MALT1: variants seen among roughly 807,000 people sequenced by gnomAD.
The protein encoded by MALT1 is MALT1 paracaspase.
In MALT1, 36 loss-of-function variants were observed where a neutral mutation model predicts 85.5. That is an observed-to-expected ratio of 0.42 (90% CI 0.32 to 0.56). MALT1 has a LOEUF of 0.56. Ranked by LOEUF, MALT1 falls within the 20% of genes least tolerant of loss-of-function variation. The pLI is 0.10. For missense variants in MALT1, 716 were observed against 981.6 expected (o/e 0.73, Z 3.62); for synonymous variants, 359 against 361.3 (o/e 0.99, Z 0.07).
chr18:58,698,301 G>A (rs964430212), intron 3 of MALT1, among the ~76,000 whole-genome samples: 3 of 151,946 alleles, frequency 2.0e-5, no homozygotes, highest in African/African-American at 7.3e-5. Context: ...TCCTGATCTC[G>A]TGATCCGCCT....
At position 58,745,690 on chromosome 18, in the gene MALT1, G is replaced by A; in HGVS notation, c.1936G>A (p.Ala646Thr). 1 of 1,612,960 alleles carries A rather than the reference G, an allele frequency of 6.2e-7. No homozygotes were observed. The highest frequency in any genetic ancestry group is 8.5e-7 in the Non-Finnish European group (1 of 1,179,330). The change falls in exon 16 of 17, where the codon GCA becomes ACA. Residue 646 changes from alanine (A) to threonine (T), a missense_variant. Ala to Thr is a moderately conservative substitution (Grantham distance 58). Around this residue, in one of 4 missense-constraint regions of MALT1, gnomAD observed 260 missense variants for 323.7 expected, o/e 0.80. Transcript: ENST00000649217. Reference protein sequence around the residue: ...PLDLDIDPKDANKGTPEETGS... With the variant: ...PLDLDIDPKDTNKGTPEETGS... ...GGATCTAGATATTGATCCAAAAGAT[G>A]CAAATAAAGGCACACCTGAAGAAAC... is the stretch of plus-strand genomic sequence containing the variant.
intron 16 of MALT1, among the ~76,000 whole-genome samples, chr18:58,746,959 T>C (rs191294524): frequency 1.3e-5 from 2 of 152,266 alleles, no homozygotes; most frequent in East Asian, 3.9e-4. Flanking sequence ...AACTCCTAAC[T>C]TCAAGTGATC....
At chr18:58,703,715 CAT>C (rs1482211192) in intron 4 of MALT1, among the ~76,000 whole-genome samples, 1 of 152,214 alleles carries the variant, frequency 6.6e-6, no homozygotes, top group African/African-American at 2.4e-5. Context: ...CCTCCCTCAA[CAT>C]GTGGGGATTA....
chr18:58,709,499 C>G lies in MALT1; in HGVS notation c.771C>G (p.His257Gln). The change falls in exon 5 of 17, where the codon CAC (histidine) becomes CAG (glutamine). Residue 257 changes from histidine (H) to glutamine (Q), a missense_variant. Transcript: ENST00000649217. The part of the protein sequence containing the change: ...QCVAVGSPIP[H>Q]YQWFKNELPL... ...TTGCTGTTGGAAGCCCTATTCCTCACTACCAGTGGTTCAAAAATGAATTAC... is the reference window on the plus strand; with the variant it reads ...TTGCTGTTGGAAGCCCTATTCCTCAGTACCAGTGGTTCAAAAATGAATTAC... 4 of 1,612,770 alleles carry G rather than the reference C, an allele frequency of 2.5e-6. No homozygotes were observed. Among genetic ancestry groups the G allele is most frequent in the Non-Finnish European group, 3.4e-6 (4 of 1,179,544 alleles).
chr18:58,709,876 A>G (rs2144388469), intron 5 of MALT1, 100 bp from the exon 6 acceptor site: 1 of 772,608 alleles, frequency 1.3e-6, no homozygotes, highest in East Asian at 2.5e-5. Flanking sequence ...GCCTTCTAAG[A>G]TGTTATGTTT....
chr18:58,694,980 C>A (rs1376846155), intron 2 of MALT1, among the ~76,000 whole-genome samples: 1 of 152,188 alleles, frequency 6.6e-6, no homozygotes, highest in Non-Finnish European at 1.5e-5. Flanking sequence ...TGGGAGGGAC[C>A]TGGTGGGAGG....
chr18:58,672,712 T>G (rs1033400724), intron 1 of MALT1: 2 of 152,114 alleles, frequency 1.3e-5, no homozygotes, highest in Admixed American at 1.3e-4. Context: ...AACAAAAAAG[T>G]CTATTAGAGA....
intron 2 of MALT1, among the ~76,000 whole-genome samples, chr18:58,683,232 A>G (rs2054349238): frequency 1.3e-5 from 2 of 152,226 alleles, no homozygotes; most frequent in Non-Finnish European, 2.9e-5. Context: ...TTACTTTACT[A>G]AGTTCTCATA....
chr18:58,699,349 ATAG>A (rs1305397504), intron 3 of MALT1, among the ~76,000 whole-genome samples: 2 of 152,106 alleles, frequency 1.3e-5, no homozygotes, highest in Non-Finnish European at 2.9e-5. Flanking sequence ...TTAGGACGAT[ATAG>A]TAGGATTGTC....
intron 9 of MALT1, among the ~76,000 whole-genome samples, chr18:58,721,303 C>T (rs889735922): frequency 6.6e-6 from 1 of 152,040 alleles, no homozygotes; most frequent in Admixed American, 6.5e-5. Context: ...CGCTTGAACC[C>T]GGGAGGCAGA....
intron 16 of MALT1, among the ~76,000 whole-genome samples, chr18:58,746,353 A>AGTAATCATTTCCTAGTTCT (rs1358699473): frequency 2.0e-5 from 3 of 152,244 alleles, no homozygotes; most frequent in Non-Finnish European, 4.4e-5. Context: ...CAGATTTTCA[A>AGTAATCATTTCCTAGTTCT]GTAATCATTT....
chr18:58,714,094 A>T lies in MALT1; in HGVS notation c.970A>T (p.Asn324Tyr), dbSNP rs1465042137. Residue 324 changes from asparagine (N) to tyrosine (Y), a missense_variant, in exon 8 of 17, where the codon AAT becomes TAT. Physicochemically the swap from Asn to Tyr is moderately radical, Grantham distance 143 (BLOSUM62 -2). Around this residue, in one of 4 missense-constraint regions of MALT1, gnomAD observed 290 missense variants for 380.5 expected, o/e 0.76. Coordinates refer to ENST00000649217, the MANE Select transcript of MALT1 (RefSeq NM_006785.4). ...AVECTEDELNNLGHPDNKEQT... is the reference protein window; with the variant it reads ...AVECTEDELNYLGHPDNKEQT... ...TTACTTTGTTTTAGATGAATTAAAT[A>T]ATCTTGGTCATCCTGGTGAGTAATA... 3.1e-6 allele frequency: 4 copies of T among 1,272,022 alleles called. No homozygotes were observed. The highest frequency in any genetic ancestry group is 4.5e-6 in the Non-Finnish European group (4 of 890,904). 78.8% of individuals were successfully genotyped at this position (1,272,022 alleles called of 1,614,324 possible). A position where few individuals can be genotyped will look rare whatever the true frequency, so the allele number is the denominator to read the frequency against.
At chr18:58,721,146 G>A (rs1191155284) in intron 9 of MALT1, among the ~76,000 whole-genome samples, 5 of 152,204 alleles carry the variant, frequency 3.3e-5, no homozygotes, top group Non-Finnish European at 7.3e-5. Context: ...TTGGAAGGCC[G>A]AGGTGGGCAG....
intron 10 of MALT1, among the ~76,000 whole-genome samples, chr18:58,731,564 TCTC>T (rs2055149873): frequency 6.6e-6 from 1 of 152,226 alleles, no homozygotes; most frequent in Non-Finnish European, 1.5e-5. Context: ...TTATTTCTGT[TCTC>T]CTGCCCATAA....
At chr18:58,734,267 T>C in intron 11 of MALT1, 40 bp from the exon 12 acceptor site, 2 of 1,405,012 alleles carry the variant, frequency 1.4e-6, no homozygotes, top group Non-Finnish European at 1.0e-6. Flanking sequence ...TCTTTAACTT[T>C]TCATATTTCT....
At chr18:58,733,227 A>T (rs996219909) in intron 10 of MALT1, among the ~76,000 whole-genome samples, 170 bp from the exon 11 acceptor site, 4 of 152,186 alleles carry the variant, frequency 2.6e-5, no homozygotes, top group African/African-American at 9.7e-5. Context: ...CAATAATTTT[A>T]AATGCAAAAT....
chr18:58,749,941 A>G lies in MALT1; in HGVS notation c.*2099A>G. 1 of 209,422 alleles carries G rather than the reference A, an allele frequency of 4.8e-6. No homozygotes were observed. The highest frequency in any genetic ancestry group is 9.7e-6 in the Non-Finnish European group (1 of 102,946). 13.0% of individuals were successfully genotyped at this position (209,422 alleles called of 1,614,324 possible). A position where few individuals can be genotyped will look rare whatever the true frequency, so the allele number is the denominator to read the frequency against. The stretch of plus-strand genomic sequence containing the variant: ...TCACTCGGCACTACTTCTATTCAGC[A>G]TTGTACTTGAAGTTCTAGCCACAGC... On this transcript the variant is annotated 3_prime_UTR_variant, in exon 17 of 17. Transcript: ENST00000649217.
At chr18:58,689,580 G>T (rs570335561) in intron 2 of MALT1, among the ~76,000 whole-genome samples, 1 of 152,170 alleles carries the variant, frequency 6.6e-6, no homozygotes, top group Non-Finnish European at 1.5e-5. Flanking sequence ...CCTTGGCCTT[G>T]CCCTCATGGA....
chr18:58,695,763 C>T (rs1417952039), intron 2 of MALT1, among the ~76,000 whole-genome samples: 6 of 152,178 alleles, frequency 3.9e-5, no homozygotes, highest in Non-Finnish European at 7.3e-5. Flanking sequence ...CTGCAAACCC[C>T]GTTATTACAG....
Sources: gnomAD v4.1 joint callset for allele counts (sites outside exome capture counted in the v4.1 genomes callset) on GRCh38, gnomAD v4.1.1 for gene constraint, gnomAD v4.1.1 regional missense constraint, MANE v1.5 for transcripts, NCBI Gene and HGNC (gene_info 2026-07-23, HGNC 2026-07-21) for gene names.